The following TIAM1 variants were observed in gnomAD, a reference collection of about 807,000 sequenced individuals.
TIAM1 encodes TIAM Rac1 associated GEF 1.
Under a neutral mutation model 163.5 loss-of-function variants are expected in TIAM1, and 65 were observed. The observed-to-expected ratio is 0.40, with a 90% CI of 0.33 to 0.49. TIAM1 has a LOEUF of 0.49. Among genes scored for constraint, TIAM1 ranks in the 20% least tolerant of loss-of-function variants. TIAM1 has a pLI of 0.77. For synonymous variants in TIAM1, 833 were observed against 810.1 expected (o/e 1.03, Z -0.48); for missense variants, 1,789 against 2,044.7 (o/e 0.87, Z 2.41).
intron 2 of TIAM1, among the ~76,000 whole-genome samples, chr21:31,385,732 A>G (rs1281340657): frequency 7.5e-5 from 11 of 147,318 alleles, no homozygotes; most frequent in Admixed American, 1.4e-4. Context: ...AAAAAAAAAA[A>G]TGTACCCTAC....
intron 22 of TIAM1, among the ~76,000 whole-genome samples, chr21:31,139,011 C>A (rs2082730022): frequency 6.6e-6 from 1 of 152,188 alleles, no homozygotes; most frequent in Non-Finnish European, 1.5e-5. Context: ...TTTCTTTTTA[C>A]AATCTCAGCC....
At chr21:31,464,370 T>C (rs2045444828) in intron 1 of TIAM1, among the ~76,000 whole-genome samples, 1 of 152,160 alleles carries the variant, frequency 6.6e-6, no homozygotes, top group Admixed American at 6.5e-5. Flanking sequence ...GGACACAAGA[T>C]GAGTAATACG....
At chr21:31,397,433 T>C (rs2077091692) in intron 2 of TIAM1, among the ~76,000 whole-genome samples, 1 of 152,218 alleles carries the variant, frequency 6.6e-6, no homozygotes, top group South Asian at 2.1e-4. Flanking sequence ...TCCTCCCATT[T>C]TAATTCCTTT....
At position 31,266,338 on chromosome 21, in the gene TIAM1, C is replaced by T. The variant is rs559296481; in HGVS notation, c.635G>A (p.Arg212Gln). The T allele has an allele frequency of 1.1e-5, 17 of 1,614,116 alleles. No homozygotes were observed. Among genetic ancestry groups the T allele is most frequent in the Admixed American group, 3.3e-5 (2 of 60,008 alleles). Residue 212 changes from arginine to glutamine, a missense_variant, in exon 4 of 28, where the codon CGG (arginine) becomes CAG (glutamine). This residue lies in a region of TIAM1 where 555 missense variants were observed against 564.9 expected (regional missense o/e 0.98). Coordinates refer to ENST00000541036, the MANE Select transcript of TIAM1 (RefSeq NM_001353694.2). ...CGGACTCGCCCGCGTTTCCATCCCCCGAGCCTCCTCGCAGTCCTTCTCTTC... is the reference window on the plus strand; with the variant it reads ...CGGACTCGCCCGCGTTTCCATCCCCTGAGCCTCCTCGCAGTCCTTCTCTTC... Reference protein sequence around the residue: ...SAEEKDCEEARGMETRASPRQ... With the variant: ...SAEEKDCEEAQGMETRASPRQ...
rs763275983 is a variant in TIAM1 at position 31,203,051 on chromosome 21, CA to C, written c.2389-40del. ...GAAAGAAAGAAAGAAAATGTCTGTT[CA>C]ATAGTAAATAGGCACAATTAGTTCT... On this transcript the variant is annotated intron_variant, in intron 11 of 27. Transcript: ENST00000541036. 11 of 1,522,306 alleles carry C rather than the reference CA, an allele frequency of 7.2e-6. No homozygotes were observed. In the South Asian group the frequency reaches 1.2e-4, roughly 17 times the overall value. The allele number at this position is 1,522,306 out of a possible 1,614,324, so 94.3% of individuals were successfully genotyped here. A position where few individuals can be genotyped will look rare whatever the true frequency, so the allele number is the denominator to read the frequency against.
At chr21:31,465,719 C>T (rs985958738) in intron 1 of TIAM1, among the ~76,000 whole-genome samples, 2 of 152,132 alleles carry the variant, frequency 1.3e-5, no homozygotes, top group Non-Finnish European at 2.9e-5. Flanking sequence ...TACAGGCGCC[C>T]GCCACCATGC....
At chr21:31,260,965 T>C (rs1157119085) in intron 4 of TIAM1, among the ~76,000 whole-genome samples, 1 of 152,198 alleles carries the variant, frequency 6.6e-6, no homozygotes, top group Non-Finnish European at 1.5e-5. Flanking sequence ...ATCATATGGT[T>C]GTTGATGTGC....
chr21:31,311,347 A>G (rs1041910721), intron 2 of TIAM1, among the ~76,000 whole-genome samples: 1 of 152,208 alleles, frequency 6.6e-6, no homozygotes, highest in African/African-American at 2.4e-5. Context: ...TCTCTAAGAC[A>G]TTACCCAATG....
At chr21:31,293,784 C>T (rs2074122139) in intron 2 of TIAM1, among the ~76,000 whole-genome samples, 1 of 152,234 alleles carries the variant, frequency 6.6e-6, no homozygotes. Flanking sequence ...GCTTTTGTCT[C>T]TTGGTAGCCA....
intron 2 of TIAM1, among the ~76,000 whole-genome samples, chr21:31,352,137 T>C (rs2076244931): frequency 6.6e-6 from 1 of 152,128 alleles, no homozygotes. Flanking sequence ...CTGTGAATAT[T>C]CATTGCAGCA....
intron 23 of TIAM1, among the ~76,000 whole-genome samples, 172 bp downstream of exon 23, chr21:31,135,761 C>T (rs967863821): frequency 6.6e-6 from 1 of 152,138 alleles, no homozygotes; most frequent in African/African-American, 2.4e-5. Context: ...CAATTTAACT[C>T]GAAGGTTTCA....
intron 1 of TIAM1, among the ~76,000 whole-genome samples, chr21:31,342,956 G>A (rs1050121838): frequency 2.6e-5 from 4 of 152,056 alleles, no homozygotes; most frequent in Admixed American, 1.3e-4. Context: ...TGCCAATTCC[G>A]CTTCGATATA....
At chr21:31,418,876 T>A (rs528036763) in intron 2 of TIAM1, among the ~76,000 whole-genome samples, 43 of 152,318 alleles carry the variant, frequency 2.8e-4, no homozygotes, top group African/African-American at 1.0e-3. Flanking sequence ...TTTCTTTTAC[T>A]GCAGTTGAAG....
At chr21:31,292,351 G>A (rs1311646918) in intron 2 of TIAM1, among the ~76,000 whole-genome samples, 1 of 150,498 alleles carries the variant, frequency 6.6e-6, no homozygotes, top group Non-Finnish European at 1.5e-5. Flanking sequence ...TCCAGGTCAG[G>A]TCACCTTGCT....
At chr21:31,152,592 C>T in intron 19 of TIAM1, 44 bp downstream of exon 19, 1 of 1,605,434 alleles carries the variant, frequency 6.2e-7, no homozygotes, top group African/African-American at 1.3e-5. Context: ...TCAACTTGAG[C>T]CACACTATAG....
chr21:31,244,984 A>G (rs2071416911), intron 6 of TIAM1, among the ~76,000 whole-genome samples: 1 of 152,168 alleles, frequency 6.6e-6, no homozygotes. Flanking sequence ...GTTGAAATTC[A>G]AGGATGCTGA....
rs759650456 is a variant in TIAM1, at chr21:31,135,900, TC to T, written c.3883+32del. 1.9e-6 allele frequency: 3 copies of T among 1,575,710 alleles called. No homozygotes were observed. In the South Asian group the frequency reaches 3.3e-5, roughly 17 times the overall value. On this transcript the variant is annotated intron_variant, in intron 23 of 27. Coordinates refer to ENST00000541036, the MANE Select transcript of TIAM1 (RefSeq NM_001353694.2). ...TGTTTTGAAAACTAAGCTAGACTTT[TC>T]CCCCTCCATAAAACGCTTTTCTGAT...
intron 1 of TIAM1, among the ~76,000 whole-genome samples, chr21:31,540,257 C>T (rs1182485430): frequency 6.6e-6 from 1 of 151,882 alleles, no homozygotes; most frequent in Non-Finnish European, 1.5e-5. Context: ...TCGTGGCATG[C>T]GCCTGTAATC....
chr21:31,557,691 G>A (rs2048929291), intron 1 of TIAM1, among the ~76,000 whole-genome samples: 1 of 152,186 alleles, frequency 6.6e-6, no homozygotes, highest in Admixed American at 6.5e-5. Flanking sequence ...CTGCGGGGCC[G>A]CGCGGGTGTC....
Sources: allele counts gnomAD v4.1 joint callset (sites outside exome capture counted in the v4.1 genomes callset), GRCh38; gene constraint gnomAD v4.1.1; regional missense constraint gnomAD v4.1.1; transcripts MANE v1.5; gene names NCBI Gene and HGNC (gene_info 2026-07-23, HGNC 2026-07-21).